Variants in OR7D2 observed in about 807,000 individuals in gnomAD.
OR7D2 encodes olfactory receptor 7D2.
For missense variants in OR7D2, 370 were observed against 384.1 expected, an observed-to-expected ratio of 0.96 and a Z score of 0.31; for synonymous variants, 158 against 158.7, an observed-to-expected ratio of 1.00 and a Z score of 0.03.
At chr19:9,183,788 T>G (rs546677509) in intron 2 of OR7D2, among the ~76,000 whole-genome samples, 3,767 of 147,780 alleles carry the variant, frequency 0.025, 163 homozygotes, top group African/African-American at 0.088. Context: ...AAACCCCGTC[T>G]CTACTAAAAG....
intron 1 of OR7D2, among the ~76,000 whole-genome samples, chr19:9,180,299 C>G (rs184317175): frequency 6.6e-6 from 1 of 151,870 alleles, no homozygotes; most frequent in Non-Finnish European, 1.5e-5. Context: ...TTTGTAGAGG[C>G]AAGTGTCTCA....
intron 2 of OR7D2, among the ~76,000 whole-genome samples, chr19:9,181,295 G>A (rs2050987762): frequency 6.7e-6 from 1 of 149,432 alleles, no homozygotes; most frequent in African/African-American, 2.5e-5. Flanking sequence ...AATTTACAGA[G>A]CTCATTTATA....
intron 2 of OR7D2, among the ~76,000 whole-genome samples, chr19:9,181,672 C>T (rs2050990446): frequency 6.6e-6 from 1 of 151,980 alleles, no homozygotes; most frequent in Non-Finnish European, 1.5e-5. Flanking sequence ...CTAGGCTGGC[C>T]TCAAACTGCT....
At position 9,188,750 on chromosome 19, in the gene OR7D2, G is replaced by T. The variant is rs993550596; in HGVS notation, c.*2030G>T. 1 of 167,072 alleles carries T rather than the reference G, an allele frequency of 6.0e-6. No individual in the cohort carries two copies. The highest frequency in any genetic ancestry group is 1.5e-5 in the Non-Finnish European group (1 of 68,128). The allele number at this position is 167,072 out of a possible 1,614,324, so 10.3% of individuals were successfully genotyped here. A position where few individuals can be genotyped will look rare whatever the true frequency, so the allele number is the denominator to read the frequency against. On this transcript the variant is annotated 3_prime_UTR_variant, in exon 3 of 3. Transcript: ENST00000641288. Reference sequence around the variant, plus strand: ...TTTTGTTGTTTGTGTGTTCGATCATGAACAGATCAACAGTGTTTATTTGTT... The same window carrying T: ...TTTTGTTGTTTGTGTGTTCGATCATTAACAGATCAACAGTGTTTATTTGTT...
Position 9,179,114 on chromosome 19 carries a change from T to TC in OR7D2, c.-114_-113insC, listed in dbSNP as rs1420839894. On this transcript the variant is annotated 5_prime_UTR_variant, in exon 1 of 3. An upstream open reading frame in the 5' UTR loses its in-frame stop. Coordinates refer to ENST00000641288, the MANE Select transcript of OR7D2 (RefSeq NM_175883.4). ...AGACGTCATACCAGCATTTTTTTTT[T>TC]TCAAGCAATGTCAGTTGAGTGACTC... 1 of 152,204 alleles carries TC rather than the reference T, an allele frequency of 6.6e-6. No individual in the cohort carries two copies. 9.4% of individuals were successfully genotyped at this position (152,204 alleles called of 1,614,324 possible). A position where few individuals can be genotyped will look rare whatever the true frequency, so the allele number is the denominator to read the frequency against.
At position 9,187,198 on chromosome 19, in the gene OR7D2, G is replaced by A. The variant is rs7246654; in HGVS notation, c.*478G>A. 76,674 of 167,838 alleles carry A rather than the reference G, an allele frequency of 0.46. 20,373 individuals carry two copies. Among genetic ancestry groups the A allele is most frequent in the African/African-American group, 0.76 (31,641 of 41,442 alleles). 10.4% of individuals were successfully genotyped at this position (167,838 alleles called of 1,614,324 possible). A position where few individuals can be genotyped will look rare whatever the true frequency, so the allele number is the denominator to read the frequency against. On this transcript the variant is annotated 3_prime_UTR_variant, in exon 3 of 3. Coordinates refer to ENST00000641288, the MANE Select transcript of OR7D2 (RefSeq NM_175883.4). The stretch of plus-strand genomic sequence containing the variant: ...ATTACAGGTGTGAGCCACCACGCCC[G>A]GCCAAGGCAGTTTTTAAACTCTCAC...
chr19:9,185,690 C>A, intron 2 of OR7D2, 79 bp from the exon 3 acceptor site: 1 of 837,536 alleles, frequency 1.2e-6, no homozygotes, highest in Non-Finnish European at 1.8e-6. Context: ...CTCAAGTGAT[C>A]CTTCCATCTC....
chr19:9,181,401 G>A (rs975845231), intron 2 of OR7D2, among the ~76,000 whole-genome samples: 5 of 142,976 alleles, frequency 3.5e-5, no homozygotes, highest in African/African-American at 1.0e-4. Flanking sequence ...ACATTTGATT[G>A]ATATGTCTTT....
rs2051030530 is a variant in OR7D2, at chr19:9,186,140, A to G, written c.359A>G (p.Tyr120Cys). 1 of 1,614,030 alleles carries G rather than the reference A, an allele frequency of 6.2e-7. No individual in the cohort carries two copies. The highest frequency in any genetic ancestry group is 1.3e-5 in the African/African-American group (1 of 74,974). ...ACGCTACTCCTGACCGTGATGGCCT[A>G]TGACCGGTTTGTGGCTGTCTGCCAC... ...LDTLLLTVMA[Y>C]DRFVAVCHPL... The change falls in exon 3 of 3, where the codon TAT (tyrosine) becomes TGT (cysteine). Residue 120 changes from tyrosine to cysteine, a missense_variant. By Grantham distance (194) the Tyr-to-Cys change is radical. Coordinates refer to ENST00000641288, the MANE Select transcript of OR7D2 (RefSeq NM_175883.4).
Position 9,187,448 on chromosome 19 carries a change from T to C in OR7D2, c.*728T>C, listed in dbSNP as rs2051046098. 1 of 165,940 alleles carries C rather than the reference T, an allele frequency of 6.0e-6. No homozygotes were observed. The highest frequency in any genetic ancestry group is 1.5e-5 in the Non-Finnish European group (1 of 68,124). 10.3% of individuals were successfully genotyped at this position (165,940 alleles called of 1,614,324 possible). A position where few individuals can be genotyped will look rare whatever the true frequency, so the allele number is the denominator to read the frequency against. On this transcript the variant is annotated 3_prime_UTR_variant, in exon 3 of 3. Transcript: ENST00000641288. ...AGTACTCCATTGTATATATCCTCGA[T>C]ATCTATATAGATATAGACATATGTA...
rs375320079 is a variant in OR7D2, at chr19:9,186,389, C to T, written c.608C>T (p.Thr203Met). The T allele has an allele frequency of 2.1e-5, 34 of 1,614,068 alleles. 1 individual carries two copies. The highest frequency in any genetic ancestry group is 6.6e-5 in the South Asian group (6 of 91,048). Residue 203 changes from threonine (T) to methionine (M), a missense_variant, in exon 3 of 3, where the codon ACG becomes ATG. Thr to Met is a moderately conservative substitution (Grantham distance 81). Transcript: ENST00000641288. Reference protein sequence around the residue: ...FLNSTLIYFMTGVLGVFPLLG... With the variant: ...FLNSTLIYFMMGVLGVFPLLG... ...AACAGCACGTTGATATACTTTATGA[C>T]GGGTGTGCTGGGCGTTTTTCCCCTC...
At chr19:9,184,641 T>C (rs2051016853) in intron 2 of OR7D2, among the ~76,000 whole-genome samples, 2 of 152,166 alleles carry the variant, frequency 1.3e-5, no homozygotes, top group South Asian at 2.1e-4. Context: ...AGTCAAGATA[T>C]GGAAACAACC....
rs769791445 is a variant in OR7D2, at chr19:9,186,664, A to G, written c.883A>G (p.Lys295Glu). The change falls in exon 3 of 3, where the codon AAG becomes GAG. Residue 295 changes from lysine (K) to glutamate (E), a missense_variant. Coordinates refer to ENST00000641288, the MANE Select transcript of OR7D2 (RefSeq NM_175883.4). Reference sequence around the variant, plus strand: ...CCCCTTCATCTACAGCCTGAGGAACAAGGATGTGAAGGGAGCCCTGGGGAG... The same window carrying G: ...CCCCTTCATCTACAGCCTGAGGAACGAGGATGTGAAGGGAGCCCTGGGGAG... ...LNPFIYSLRN[K>E]DVKGALGSLL... 3 of 1,613,932 alleles carry G rather than the reference A, an allele frequency of 1.9e-6. No individual in the cohort carries two copies. Among genetic ancestry groups the G allele is most frequent in the African/African-American group, 2.7e-5 (2 of 74,894 alleles).
chr19:9,188,391 C>T lies in OR7D2; in HGVS notation c.*1671C>T, dbSNP rs953523875. ...ACAGGTGTGAGCCACTGTGCCTGGCCTTCTAGTTCTTTAAGATACCACTTT... is the reference window on the plus strand; with the variant it reads ...ACAGGTGTGAGCCACTGTGCCTGGCTTTCTAGTTCTTTAAGATACCACTTT... On this transcript the variant is annotated 3_prime_UTR_variant, in exon 3 of 3. Coordinates refer to ENST00000641288, the MANE Select transcript of OR7D2 (RefSeq NM_175883.4). The T allele has an allele frequency of 1.2e-5, 2 of 165,434 alleles. No individual in the cohort carries two copies. Among genetic ancestry groups the T allele is most frequent in the African/African-American group, 4.8e-5 (2 of 41,412 alleles). The allele number at this position is 165,434 out of a possible 1,614,324, so 10.2% of individuals were successfully genotyped here.
At chr19:9,179,186 T>C (rs1314269998) in intron 1 of OR7D2, 63 bp downstream of exon 1, 1 of 151,922 alleles carries the variant, frequency 6.6e-6, no homozygotes, top group African/African-American at 2.4e-5. Context: ...TAAAAAGTAG[T>C]GTGGGGAGGA....
In OR7D2 at chr19:9,187,608, G is replaced by A. The variant is rs1001957551; in HGVS notation, c.*888G>A. 5 of 166,944 alleles carry A rather than the reference G, an allele frequency of 3.0e-5. No homozygotes were observed. Among genetic ancestry groups the A allele is most frequent in the African/African-American group, 1.2e-4 (5 of 41,406 alleles). 10.3% of individuals were successfully genotyped at this position (166,944 alleles called of 1,614,324 possible). ...AGTTTTTAGTGTACCCGTCACCCAA[G>A]TGGTAGTAGTCTCTTATTCCTCACC... On this transcript the variant is annotated 3_prime_UTR_variant, in exon 3 of 3. Transcript: ENST00000641288.
At chr19:9,179,730 G>A (rs1046798512) in intron 1 of OR7D2, among the ~76,000 whole-genome samples, 1 of 151,996 alleles carries the variant, frequency 6.6e-6, no homozygotes. Context: ...TCTCGGCCGG[G>A]TGCAGTGGCT....
rs55913502 is a variant in OR7D2, at chr19:9,187,498, T to A, written c.*778T>A. 32,425 of 166,200 alleles carry A rather than the reference T, an allele frequency of 0.2. 3,533 individuals carry two copies. The highest frequency in any genetic ancestry group is 0.27 in the South Asian group (1,300 of 4,808). 10.3% of individuals were successfully genotyped at this position (166,200 alleles called of 1,614,324 possible). A position where few individuals can be genotyped will look rare whatever the true frequency, so the allele number is the denominator to read the frequency against. The stretch of plus-strand genomic sequence containing the variant: ...AGATACATACCATGTTTTCTTTTTT[T>A]AAAAAAATTTATTTTTATGTCAGTA... On this transcript the variant is annotated 3_prime_UTR_variant, in exon 3 of 3. Transcript: ENST00000641288.
chr19:9,188,237 A>C lies in OR7D2; in HGVS notation c.*1517A>C, dbSNP rs902214121. 4 of 152,110 alleles carry C rather than the reference A, an allele frequency of 2.6e-5. No individual in the cohort carries two copies. The highest frequency in any genetic ancestry group is 9.7e-5 in the African/African-American group (4 of 41,372). The allele number at this position is 152,110 out of a possible 1,614,324, so 9.4% of individuals were successfully genotyped here. ...CTCCTGAGTAGCTGGGACTACAGGC[A>C]CCTGCCACCCCACCCAGCTAATTCT... is the stretch of plus-strand genomic sequence containing the variant. On this transcript the variant is annotated 3_prime_UTR_variant, in exon 3 of 3. Coordinates refer to ENST00000641288, the MANE Select transcript of OR7D2 (RefSeq NM_175883.4).
Sources: gnomAD v4.1 joint callset for allele counts (sites outside exome capture counted in the v4.1 genomes callset) on GRCh38, gnomAD v4.1.1 for gene constraint, MANE v1.5 for transcripts, NCBI Gene and HGNC (gene_info 2026-07-23, HGNC 2026-07-21) for gene names.